Variants in TBC1D16 observed in about 807,000 individuals in gnomAD.
The protein encoded by TBC1D16 is CTD-2529O21.1.
TBC1D16 carries 58 observed loss-of-function variants against 74.7 expected under a neutral mutation model. The observed-to-expected ratio is 0.78, with a 90% CI of 0.63 to 0.97. TBC1D16 has a LOEUF of 0.97. Ranked by LOEUF, TBC1D16 falls within the 50% of genes least tolerant of loss-of-function variation. The probability of loss-of-function intolerance (pLI) is 0.00; values close to 1 mark genes in which losing one functional copy is unlikely to be tolerated. For missense variants in TBC1D16, 1,014 were observed against 1,079.5 expected (o/e 0.94, Z 0.85); for synonymous variants, 493 against 474.7 (o/e 1.04, Z -0.50).
chr17:80,018,938 A>G (rs2036192109), intron 1 of TBC1D16, among the ~76,000 whole-genome samples: 1 of 150,052 alleles, frequency 6.7e-6, no homozygotes, highest in African/African-American at 2.5e-5. Context: ...TCTGCTGTGC[A>G]TTTTGCACTT....
rs1403865837 is a variant in TBC1D16 at position 79,941,351 on chromosome 17, G to C, written c.2056-244C>G. On this transcript the variant is annotated intron_variant, in intron 11 of 11. Coordinates refer to ENST00000310924, the MANE Select transcript of TBC1D16 (RefSeq NM_019020.4). The surrounding 1 kb of genome is among the most constrained non-coding windows in gnomAD (Gnocchi z 4.3). ...CTCGGGCTGTGCTCACAGGTGGCTCGAGGTGAACAAGGCCCTTGAATGGGC... is the reference window on the plus strand; with the variant it reads ...CTCGGGCTGTGCTCACAGGTGGCTCCAGGTGAACAAGGCCCTTGAATGGGC... Among the ~76,000 whole-genome samples the C allele has an allele frequency of 1.3e-5, 2 of 152,196 alleles. No individual in the cohort carries two copies. The highest frequency in any genetic ancestry group is 1.9e-4 in the East Asian group (1 of 5,202).
chr17:80,010,129 C>T lies in TBC1D16; in HGVS notation c.779+31G>A, dbSNP rs775065432. ...CCCAGGTCAGGCCTTGGGGGCCTCC[C>T]GAGAGCCCACGCCCAGAACCAGGAA... On this transcript the variant is annotated intron_variant, in intron 3 of 11. Coordinates refer to ENST00000310924, the MANE Select transcript of TBC1D16 (RefSeq NM_019020.4). This position sits in a 1 kb window ranked among gnomAD's most constrained non-coding sequence, Gnocchi z 8.8. 2.6e-5 allele frequency: 40 copies of T among 1,566,234 alleles called. No homozygotes were observed. The highest frequency in any genetic ancestry group is 4.1e-5 in the African/African-American group (3 of 73,854).
chr17:80,015,011 T>C (rs963328492), intron 1 of TBC1D16, among the ~76,000 whole-genome samples: 19 of 152,110 alleles, frequency 1.2e-4, no homozygotes, highest in Non-Finnish European at 2.4e-4. Context: ...GCAGCCAGTT[T>C]CTACCAACAA....
chr17:79,938,556 T>C lies in TBC1D16; in HGVS notation c.*2303A>G, dbSNP rs1304775744. On this transcript the variant is annotated 3_prime_UTR_variant, in exon 12 of 12. Coordinates refer to ENST00000310924, the MANE Select transcript of TBC1D16 (RefSeq NM_019020.4). ...AGGCACGAGGTATCTAGTGAAATGC[T>C]AGGACCAGGGACGCTATTCCCCTGG... 2.6e-5 allele frequency: 4 copies of C among 152,254 alleles called. No homozygotes were observed. 9.4% of individuals were successfully genotyped at this position (152,254 alleles called of 1,614,324 possible). A position where few individuals can be genotyped will look rare whatever the true frequency, so the allele number is the denominator to read the frequency against.
intron 3 of TBC1D16, among the ~76,000 whole-genome samples, chr17:80,002,911 G>A (rs755308524): frequency 3.9e-5 from 6 of 152,196 alleles, no homozygotes; most frequent in East Asian, 1.9e-4. Context: ...GGTGGCGCAC[G>A]TAGGGAACAC....
chr17:79,941,495 C>A lies in TBC1D16; in HGVS notation c.2056-388G>T, dbSNP rs948181632. On this transcript the variant is annotated intron_variant, in intron 11 of 11. Coordinates refer to ENST00000310924, the MANE Select transcript of TBC1D16 (RefSeq NM_019020.4). The surrounding 1 kb of genome is among the most constrained non-coding windows in gnomAD (Gnocchi z 4.3). ...TTCCCCCGCACCTTGCTCCACCCCC[C>A]ACCCCCAGCAGCCTCTCAGCTCCTG... Among the ~76,000 whole-genome samples the A allele has an allele frequency of 1.3e-5, 2 of 152,286 alleles. No individual in the cohort carries two copies. The highest frequency in any genetic ancestry group is 2.1e-4 in the South Asian group (1 of 4,822).
chr17:80,015,195 C>T (rs1232559256), intron 1 of TBC1D16, among the ~76,000 whole-genome samples: 3 of 152,006 alleles, frequency 2.0e-5, no homozygotes, highest in African/African-American at 4.8e-5. Context: ...TTTGGGGGGC[C>T]GAGGCAGGTG....
rs905727696 is a variant in TBC1D16 at position 79,987,138 on chromosome 17, T to G, written c.779+23022A>C. On this transcript the variant is annotated intron_variant, in intron 3 of 11. Transcript: ENST00000310924. The surrounding 1 kb of genome is among the most constrained non-coding windows in gnomAD (Gnocchi z 5.2). ...TGCCCACCAGGGGCAGGAGACTGGA[T>G]GGTCTTTCCAGGCCCTCATCCCAAA... Among the ~76,000 whole-genome samples, 12 of 152,184 alleles carry G rather than the reference T, an allele frequency of 7.9e-5. No homozygotes were observed. The highest frequency in any genetic ancestry group is 6.2e-4 in the South Asian group (3 of 4,832).
At chr17:80,032,165 G>A (rs57872006) in intron 1 of TBC1D16, among the ~76,000 whole-genome samples, 8,547 of 152,204 alleles carry the variant, frequency 0.056, 730 homozygotes, top group African/African-American at 0.18. Context: ...GCATGGATGC[G>A]GGCTTGGCAC....
chr17:79,984,884 TC>T (rs991199619), intron 3 of TBC1D16, among the ~76,000 whole-genome samples: 43 of 140,628 alleles, frequency 3.1e-4, no homozygotes, highest in African/African-American at 7.4e-4. Flanking sequence ...TCCCTCTGGC[TC>T]CCCCCCACCC....
chr17:79,935,639 T>C lies in TBC1D16; in HGVS notation c.*5220A>G, dbSNP rs3169601. ...CTGTACAGCGTGCATCTGTTGTCAG[T>C]ACAGTTTTATTTGCTGTGGAATCCA... On this transcript the variant is annotated 3_prime_UTR_variant, in exon 12 of 12. Coordinates refer to ENST00000310924, the MANE Select transcript of TBC1D16 (RefSeq NM_019020.4). The C allele has an allele frequency of 0.25, 37,977 of 152,262 alleles. 5,647 individuals carry two copies. The highest frequency in any genetic ancestry group is 0.42 in the East Asian group (2,160 of 5,178). The allele number at this position is 152,262 out of a possible 1,614,324, so 9.4% of individuals were successfully genotyped here. A position where few individuals can be genotyped will look rare whatever the true frequency, so the allele number is the denominator to read the frequency against.
At chr17:80,018,685 T>C (rs1192044479) in intron 1 of TBC1D16, among the ~76,000 whole-genome samples, 4 of 149,280 alleles carry the variant, frequency 2.7e-5, no homozygotes, top group Non-Finnish European at 5.9e-5. Context: ...CACTGTATTC[T>C]GAAACTCCTG....
chr17:79,948,974 A>G lies in TBC1D16; in HGVS notation c.1439T>C (p.Phe480Ser). The G allele has an allele frequency of 1.2e-6, 2 of 1,614,134 alleles. No individual in the cohort carries two copies. The highest frequency in any genetic ancestry group is 1.7e-6 in the Non-Finnish European group (2 of 1,180,012). The change falls in exon 8 of 12, where the codon TTC becomes TCC. Residue 480 changes from phenylalanine (F) to serine (S), a missense_variant. Coordinates refer to ENST00000310924, the MANE Select transcript of TBC1D16 (RefSeq NM_019020.4). ...LSMTPEEHRA[F>S]WRNVQFTVDK... is the part of the protein sequence containing the mutation. ...CACAGTGAACTGCACATTACGCCAG[A>G]ACGCTCTGTGCTCCTCGGGAGTCAT...
At chr17:80,018,497 T>A (rs929473938) in intron 1 of TBC1D16, among the ~76,000 whole-genome samples, 2 of 149,776 alleles carry the variant, frequency 1.3e-5, no homozygotes, top group Admixed American at 1.3e-4. Context: ...TTAGCCAGGA[T>A]GGTCTCGATC....
At chr17:79,959,534 T>C (rs929094248) in intron 3 of TBC1D16, among the ~76,000 whole-genome samples, 6 of 152,168 alleles carry the variant, frequency 3.9e-5, no homozygotes, top group Non-Finnish European at 5.9e-5. Context: ...TATGGTGAAA[T>C]AGGCAAATAA....
chr17:79,970,055 C>T (rs1046383509), intron 3 of TBC1D16, among the ~76,000 whole-genome samples: 1 of 152,106 alleles, frequency 6.6e-6, no homozygotes, highest in Non-Finnish European at 1.5e-5. Flanking sequence ...AACTGATGAC[C>T]AGATAAGGAA....
chr17:79,943,470 C>G (rs2032212273), intron 10 of TBC1D16, among the ~76,000 whole-genome samples: 1 of 152,182 alleles, frequency 6.6e-6, no homozygotes, highest in Non-Finnish European at 1.5e-5. Flanking sequence ...GCATCAAAAG[C>G]CTTTCTCGCT....
intron 3 of TBC1D16, among the ~76,000 whole-genome samples, chr17:79,991,159 C>T (rs2035043144): frequency 1.3e-5 from 2 of 152,228 alleles, no homozygotes; most frequent in Non-Finnish European, 2.9e-5. Context: ...AAAGTAAATT[C>T]CAGACAAAGC....
rs1018013757 is a variant in TBC1D16 at position 79,941,416 on chromosome 17, G to A, written c.2056-309C>T. On this transcript the variant is annotated intron_variant, in intron 11 of 11. Coordinates refer to ENST00000310924, the MANE Select transcript of TBC1D16 (RefSeq NM_019020.4). The surrounding 1 kb of genome is among the most constrained non-coding windows in gnomAD (Gnocchi z 4.3). ...TGAACAGGACCAACACCAGCACAGG[G>A]CCGGGTGGCGTCCAGCCAAGCCCAC... Among the ~76,000 whole-genome samples, 1 of 152,186 alleles carries A rather than the reference G, an allele frequency of 6.6e-6. No individual in the cohort carries two copies. Among genetic ancestry groups the A allele is most frequent in the African/African-American group, 2.4e-5 (1 of 41,432 alleles).
Sources: allele counts gnomAD v4.1 joint callset (sites outside exome capture counted in the v4.1 genomes callset), GRCh38; gene constraint gnomAD v4.1.1; non-coding constraint Gnocchi (gnomAD v3.1); transcripts MANE v1.5; gene names NCBI Gene and HGNC (gene_info 2026-07-23, HGNC 2026-07-21).